Variants in REXO1 observed in about 807,000 individuals in gnomAD.
REXO1 encodes the protein REX1, RNA exonuclease 1 homolog.
A neutral mutation model predicts 102.6 loss-of-function variants in REXO1; 42 were observed. The ratio of observed to expected loss-of-function variants is 0.41; its 90% CI spans 0.32 to 0.53. The LOEUF is 0.53. Ranked by LOEUF, REXO1 falls within the 20% of genes least tolerant of loss-of-function variation. The pLI, the probability that REXO1 is intolerant of heterozygous loss-of-function variation, is 0.27. For synonymous variants in REXO1, 908 were observed against 779.1 expected, an observed-to-expected ratio of 1.17 and a Z score of -2.76; for missense variants, 1,819 against 1,732.5, an observed-to-expected ratio of 1.05 and a Z score of -0.89.
chr19:1,826,811 A>G lies in REXO1; in HGVS notation c.1911+67T>C. ...GCCAACTGGAAACCACTCCAGATAG[A>G]AGGTCTCTCACCAGGCCCTCGGCTC... On this transcript the variant is annotated intron_variant, in intron 2 of 15. Transcript: ENST00000170168. This position sits in a 1 kb window ranked among gnomAD's most constrained non-coding sequence, Gnocchi z 4.3. 1 of 1,530,194 alleles carries G rather than the reference A, an allele frequency of 6.5e-7. No individual in the cohort carries two copies. Among genetic ancestry groups the G allele is most frequent in the Non-Finnish European group, 8.8e-7 (1 of 1,141,184 alleles). 94.8% of individuals were successfully genotyped at this position (1,530,194 alleles called of 1,614,324 possible). A position where few individuals can be genotyped will look rare whatever the true frequency, so the allele number is the denominator to read the frequency against.
At chr19:1,830,675 G>A in intron 1 of REXO1, 1 of 215,600 alleles carries the variant, frequency 4.6e-6, no homozygotes, top group Non-Finnish European at 1.0e-5. Context: ...GATGGCAAAT[G>A]GGGCTCTAGA....
intron 1 of REXO1, among the ~76,000 whole-genome samples, chr19:1,842,213 CAAAAAAA>C (rs566792887): frequency 1.3e-5 from 1 of 76,560 alleles, no homozygotes; most frequent in South Asian, 4.3e-4. Context: ...GATTCCGTTG[CAAAAAAA>C]AAAAAAAAAA....
In REXO1 at chr19:1,826,538, G is replaced by A. The variant is rs1198934530; in HGVS notation, c.1911+340C>T. Reference sequence around the variant, plus strand: ...GGAAAGGGGAGGCGAGGGGAGAGGGGCTAGAAGGGTGTGCCGGAGGTGGAT... The same window carrying A: ...GGAAAGGGGAGGCGAGGGGAGAGGGACTAGAAGGGTGTGCCGGAGGTGGAT... On this transcript the variant is annotated intron_variant, in intron 2 of 15. Coordinates refer to ENST00000170168, the MANE Select transcript of REXO1 (RefSeq NM_020695.4). The surrounding 1 kb of genome is among the most constrained non-coding windows in gnomAD (Gnocchi z 4.3). Among the ~76,000 whole-genome samples, 1 of 149,892 alleles carries A rather than the reference G, an allele frequency of 6.7e-6. No homozygotes were observed. Among genetic ancestry groups the A allele is most frequent in the East Asian group, 2.0e-4 (1 of 5,018 alleles).
chr19:1,818,544 G>A lies in REXO1; in HGVS notation c.2954C>T (p.Ser985Leu), dbSNP rs1600515136. 3 of 1,612,160 alleles carry A rather than the reference G, an allele frequency of 1.9e-6. No homozygotes were observed. The highest frequency in any genetic ancestry group is 2.5e-6 in the Non-Finnish European group (3 of 1,179,740). Residue 985 changes from serine to leucine, a missense_variant, in exon 10 of 16, where the codon TCA (serine) becomes TTA (leucine). Transcript: ENST00000170168. Reference protein sequence around the residue: ...RCGTEYLVSSSGRCIRDEECY... With the variant: ...RCGTEYLVSSLGRCIRDEECY... Reference sequence around the variant, plus strand: ...CTCCTCGTCCCGGATGCAGCGGCCTGAAGAGGACACGAGGTACTCGGTGCC... The same window carrying A: ...CTCCTCGTCCCGGATGCAGCGGCCTAAAGAGGACACGAGGTACTCGGTGCC...
In REXO1 at chr19:1,848,266, G is replaced by A. The variant is rs998516109; in HGVS notation, c.93C>T (p.Phe31=). Residue 31 remains phenylalanine, a synonymous_variant, in exon 1 of 16, where the codon TTC becomes TTT. Coordinates refer to ENST00000170168, the MANE Select transcript of REXO1 (RefSeq NM_020695.4). ...CGGAGCCCCGGGCCCCGCGGTGCCG[G>A]AAGTGGCAGTAGGGCCGCCGGCAGG... ...GGPCRRPYCH[F]RHRGARGSGA... is the part of the protein sequence containing the mutation. 2.4e-6 allele frequency: 3 copies of A among 1,232,148 alleles called. No homozygotes were observed. Among genetic ancestry groups the A allele is most frequent in the African/African-American group, 3.1e-5 (2 of 63,724 alleles). The allele number at this position is 1,232,148 out of a possible 1,614,324, so 76.3% of individuals were successfully genotyped here. A position where few individuals can be genotyped will look rare whatever the true frequency, so the allele number is the denominator to read the frequency against.
Position 1,827,374 on chromosome 19 carries a change from C to T in REXO1, c.1415G>A (p.Gly472Asp). 1 of 1,532,634 alleles carries T rather than the reference C, an allele frequency of 6.5e-7. No homozygotes were observed. Among genetic ancestry groups the T allele is most frequent in the South Asian group, 1.2e-5 (1 of 84,720 alleles). The allele number at this position is 1,532,634 out of a possible 1,614,324, so 94.9% of individuals were successfully genotyped here. The change falls in exon 2 of 16, where the codon GGC becomes GAC. Residue 472 changes from glycine to aspartate, a missense_variant. Coordinates refer to ENST00000170168, the MANE Select transcript of REXO1 (RefSeq NM_020695.4). ...SGDSRPAAGR[G>D]PPRPLQLPDR... ...GGGCAGCTGGAGGGGGCGGGGTGGG[C>T]CTCTGCCGGCCGCCGGTCGGGAGTC... is the stretch of plus-strand genomic sequence containing the variant.
intron 4 of REXO1, chr19:1,822,208 G>C: frequency 7.6e-6 from 2 of 261,924 alleles, no homozygotes; most frequent in Non-Finnish European, 1.4e-5. Context: ...CTTCTGGACT[G>C]GGGGCTCGGC....
Position 1,848,304 on chromosome 19 carries a change from C to T in REXO1, c.55G>A (p.Ala19Thr). Residue 19 changes from alanine (A) to threonine (T), a missense_variant, in exon 1 of 16, where the codon GCG (alanine) becomes ACG (threonine). Ala to Thr is a moderately conservative substitution (Grantham distance 58). Transcript: ENST00000170168. ...RAIDCPYWSG[A>T]PGGPCRRPYC... ...GGCCGCCGGCAGGGCCCCCCGGGCG[C>T]CCCAGACCAATAGGGGCAGTCAATG... The T allele has an allele frequency of 8.1e-7, 1 of 1,231,078 alleles. No individual in the cohort carries two copies. Among genetic ancestry groups the T allele is most frequent in the Non-Finnish European group, 1.0e-6 (1 of 980,844 alleles). 76.3% of individuals were successfully genotyped at this position (1,231,078 alleles called of 1,614,324 possible).
intron 1 of REXO1, chr19:1,834,993 G>A: frequency 2.3e-6 from 1 of 430,684 alleles, no homozygotes; most frequent in Non-Finnish European, 4.7e-6. Flanking sequence ...GGGCGCTCCA[G>A]CCAGGTCTGG....
rs1441346228 is a variant in REXO1 at position 1,825,819 on chromosome 19, C to T, written c.2016+20G>A. ...AAAAAAAAAAAAGGCTCCTGCTGGC[C>T]TGGCCTCTGCGGACCTTACCTCCTG... On this transcript the variant is annotated intron_variant, in intron 3 of 15. Coordinates refer to ENST00000170168, the MANE Select transcript of REXO1 (RefSeq NM_020695.4). The T allele has an allele frequency of 2.7e-6, 4 of 1,492,046 alleles. No homozygotes were observed. The Admixed American group carries it at 5.1e-5, about 19-fold the overall frequency. 92.4% of individuals were successfully genotyped at this position (1,492,046 alleles called of 1,614,324 possible). A position where few individuals can be genotyped will look rare whatever the true frequency, so the allele number is the denominator to read the frequency against.
At position 1,828,078 on chromosome 19, in the gene REXO1, G is replaced by A. The variant is rs1365349686; in HGVS notation, c.711C>T (p.Leu237=). The change falls in exon 2 of 16, where the codon CTC becomes CTT. Residue 237 remains leucine (L), a synonymous_variant. Transcript: ENST00000170168. The part of the protein sequence containing the change: ...RPPTDLEYDP[L]SNYSARHLSR... ...TGAGGTGCCGGGCCGAGTAGTTGGA[G>A]AGAGGGTCATACTCCAGGTCTGTGG... is the stretch of plus-strand genomic sequence containing the variant. 23 of 1,613,136 alleles carry A rather than the reference G, an allele frequency of 1.4e-5. No individual in the cohort carries two copies. The highest frequency in any genetic ancestry group is 2.2e-5 in the South Asian group (2 of 91,006).
chr19:1,845,208 T>G (rs547651382), intron 1 of REXO1, among the ~76,000 whole-genome samples: 1 of 152,096 alleles, frequency 6.6e-6, no homozygotes, highest in Non-Finnish European at 1.5e-5. Context: ...GAGCGGCCAC[T>G]GGGGGGATAG....
At chr19:1,836,879 G>A (rs1006698031) in intron 1 of REXO1, among the ~76,000 whole-genome samples, 4 of 151,642 alleles carry the variant, frequency 2.6e-5, no homozygotes, top group South Asian at 4.2e-4. Flanking sequence ...AGTGGGCCCC[G>A]CATGCTGGCC....
At chr19:1,830,680 TC>T (rs2145295003) in intron 1 of REXO1, 1 of 222,032 alleles carries the variant, frequency 4.5e-6, no homozygotes, top group East Asian at 1.7e-4. Flanking sequence ...CAAATGGGGC[TC>T]TAGATGGGGT....
chr19:1,827,857 G>A lies in REXO1; in HGVS notation c.932C>T (p.Ala311Val), dbSNP rs747969906. The part of the protein sequence containing the change: ...PTTASTPKAR[A>V]DPEIKATGQP... The stretch of plus-strand genomic sequence containing the variant: ...CCCGGTGGCCTTGATCTCAGGGTCG[G>A]CCCTGGCTTTGGGGGTGCTGGCCGT... Residue 311 changes from alanine to valine, a missense_variant, in exon 2 of 16, where the codon GCC becomes GTC. Transcript: ENST00000170168. 2.5e-6 allele frequency: 4 copies of A among 1,613,258 alleles called. No individual in the cohort carries two copies. The Admixed American group carries it at 6.7e-5, about 27-fold the overall frequency.
intron 1 of REXO1, among the ~76,000 whole-genome samples, chr19:1,831,086 A>G (rs1331647195): frequency 6.6e-6 from 1 of 152,228 alleles, no homozygotes; most frequent in African/African-American, 2.4e-5. Flanking sequence ...GCCCACACCA[A>G]GCCCGCAGTC....
intron 2 of REXO1, 29 bp from the exon 3 acceptor site, chr19:1,825,972 G>A (rs371656369): frequency 6.5e-7 from 1 of 1,544,576 alleles, no homozygotes; most frequent in African/African-American, 1.4e-5. Flanking sequence ...CGTCAGCACA[G>A]GTCTGCCCTC....
intron 12 of REXO1, 103 bp downstream of exon 12, chr19:1,817,116 C>T (rs913538467): frequency 1.0e-4 from 124 of 1,232,284 alleles, no homozygotes; most frequent in Non-Finnish European, 1.3e-4. Flanking sequence ...AAACCCTGAG[C>T]GCTGGCCGGT....
chr19:1,834,155 AG>A (rs1568709889), intron 1 of REXO1, among the ~76,000 whole-genome samples: 1 of 152,146 alleles, frequency 6.6e-6, no homozygotes, highest in Non-Finnish European at 1.5e-5. Context: ...AACCCAGCCC[AG>A]GGGAGCCAAG....
Sources: gnomAD v4.1 joint callset for allele counts (sites outside exome capture counted in the v4.1 genomes callset) on GRCh38, gnomAD v4.1.1 for gene constraint, Gnocchi (gnomAD v3.1) non-coding constraint, MANE v1.5 for transcripts, NCBI Gene and HGNC (gene_info 2026-07-23, HGNC 2026-07-21) for gene names.